The following DYTN variants were observed in gnomAD, a reference collection of about 807,000 sequenced individuals.
The protein encoded by DYTN is dystrotelin.
A neutral mutation model predicts 69.6 loss-of-function variants in DYTN; 75 were observed. That is an observed-to-expected ratio of 1.08 (90% CI 0.89 to 1.31). DYTN has a LOEUF of 1.31. Among genes scored for constraint, DYTN ranks in the 50% most tolerant of loss-of-function variants. The probability of loss-of-function intolerance (pLI) is 0.00; values close to 1 mark genes in which losing one functional copy is unlikely to be tolerated. For synonymous variants in DYTN, 252 were observed against 249.1 expected, an observed-to-expected ratio of 1.01 and a Z score of -0.11; for missense variants, 726 against 688.4, an observed-to-expected ratio of 1.05 and a Z score of -0.61.
At chr2:206,704,815 G>A (rs1273613670) in intron 5 of DYTN, 28 bp downstream of exon 5, 3 of 1,573,478 alleles carry the variant, frequency 1.9e-6, no homozygotes, top group African/African-American at 1.3e-5. Context: ...TGAAACAAAT[G>A]TACAGTTCTT....
At chr2:206,701,884 T>A (rs535464913) in intron 5 of DYTN, among the ~76,000 whole-genome samples, 22 of 152,304 alleles carry the variant, frequency 1.4e-4, no homozygotes, top group African/African-American at 5.1e-4. Context: ...TCTCAAAACA[T>A]CATGTCGTAC....
In DYTN at chr2:206,670,940, T is replaced by A. The variant is rs78066421; in HGVS notation, c.981-4911A>T. 3.5e-3 allele frequency among the ~76,000 whole-genome samples: 536 copies of A among 152,336 alleles called. 12 individuals are homozygous for A. The East Asian group carries it at 0.071, about 20-fold the overall frequency. On this transcript the variant is annotated intron_variant, in intron 9 of 11. Transcript: ENST00000452335. ...CTACCATACACCTTTAACTTTCACT[T>A]TCTTGTCTTTCCTTTGCTTGCTACC...
At chr2:206,669,865 T>C (rs958400404) in intron 9 of DYTN, among the ~76,000 whole-genome samples, 1 of 152,226 alleles carries the variant, frequency 6.6e-6, no homozygotes, top group African/African-American at 2.4e-5. Context: ...ATTTCTTCTG[T>C]ACATTTAGAT....
chr2:206,659,617 ATCT>A (rs1231498227), intron 11 of DYTN, among the ~76,000 whole-genome samples: 1 of 151,946 alleles, frequency 6.6e-6, no homozygotes, highest in Non-Finnish European at 1.5e-5. Context: ...CACTTTCCAC[ATCT>A]TCATCCATGT....
chr2:206,693,923 T>C (rs962207576), intron 8 of DYTN, among the ~76,000 whole-genome samples: 1 of 152,184 alleles, frequency 6.6e-6, no homozygotes, highest in Admixed American at 6.5e-5. Context: ...CCTAGGCCTG[T>C]GAACCTGAGG....
At chr2:206,698,244 C>T (rs932853689) in intron 7 of DYTN, among the ~76,000 whole-genome samples, 3 of 152,094 alleles carry the variant, frequency 2.0e-5, no homozygotes, top group Admixed American at 6.5e-5. Flanking sequence ...AGTTCAGTTC[C>T]TTGCCGAATT....
chr2:206,701,260 A>G (rs1699973668), intron 5 of DYTN: 1 of 152,206 alleles, frequency 6.6e-6, no homozygotes, highest in Admixed American at 6.5e-5. Context: ...TTTCTGAGGT[A>G]GGATGGTAAT....
intron 9 of DYTN, among the ~76,000 whole-genome samples, chr2:206,675,115 ATGTGTGTGTGTG>A (rs757679127): frequency 7.6e-6 from 1 of 131,532 alleles, no homozygotes; most frequent in East Asian, 2.1e-4. Flanking sequence ...ATATATATAT[ATGTGTGTGTGTG>A]TGTGTGTGTG....
chr2:206,684,810 T>TCAGTTTGAACA (rs11273196), intron 9 of DYTN, among the ~76,000 whole-genome samples: 43,477 of 151,950 alleles, frequency 0.29, 8,611 homozygotes, highest in African/African-American at 0.56. Flanking sequence ...TTTCTGCTAC[T>TCAGTTTGAACA]CATCATCAAA....
intron 7 of DYTN, among the ~76,000 whole-genome samples, chr2:206,699,038 C>T (rs1432838550): frequency 6.6e-6 from 1 of 152,194 alleles, no homozygotes; most frequent in Non-Finnish European, 1.5e-5. Flanking sequence ...TGAAATGACC[C>T]ATGTGAACTG....
intron 10 of DYTN, among the ~76,000 whole-genome samples, chr2:206,664,717 G>GAAAACTTGCATCCTACCACTATGAGT (rs1699551401): frequency 6.6e-6 from 1 of 152,148 alleles, no homozygotes; most frequent in Admixed American, 6.6e-5. Flanking sequence ...TAGAATTTTG[G>GAAAACTTGCATCCTACCACTATGAGT]AAAACTTGCA....
At chr2:206,655,436 G>C (rs1321537659) in intron 11 of DYTN, among the ~76,000 whole-genome samples, 1 of 151,922 alleles carries the variant, frequency 6.6e-6, no homozygotes, top group Non-Finnish European at 1.5e-5. Context: ...TTGAGATAGG[G>C]TCTTGCTCTG....
At chr2:206,666,736 T>TGC (rs1410019495) in intron 9 of DYTN, among the ~76,000 whole-genome samples, 49 of 112,344 alleles carry the variant, frequency 4.4e-4, no homozygotes, top group Non-Finnish European at 4.9e-4. Context: ...CTCATGGGTG[T>TGC]GCGTGTGTGT....
At chr2:206,652,583 A>AT (rs1699400148) in intron 11 of DYTN, among the ~76,000 whole-genome samples, 1 of 152,264 alleles carries the variant, frequency 6.6e-6, no homozygotes, top group Non-Finnish European at 1.5e-5. Context: ...ACACCAAAGT[A>AT]TTTTTGTGAT....
chr2:206,673,857 A>G (rs16838483), intron 9 of DYTN, among the ~76,000 whole-genome samples: 21,126 of 152,132 alleles, frequency 0.14, 2,440 homozygotes, highest in African/African-American at 0.31. Flanking sequence ...GGGACAACAG[A>G]TTAAAGAAAA....
At chr2:206,675,113 A>ATG (rs879629081) in intron 9 of DYTN, among the ~76,000 whole-genome samples, 2,178 of 122,558 alleles carry the variant, frequency 0.018, 35 homozygotes, top group Admixed American at 0.034. Context: ...ACATATATAT[A>ATG]TATGTGTGTG....
intron 5 of DYTN, among the ~76,000 whole-genome samples, chr2:206,701,789 C>T (rs1266882306): frequency 1.3e-5 from 2 of 152,104 alleles, no homozygotes; most frequent in African/African-American, 4.8e-5. Context: ...TCCTCAAACC[C>T]CCCAACACCA....
At chr2:206,659,543 C>T (rs1699486360) in intron 11 of DYTN, among the ~76,000 whole-genome samples, 1 of 145,010 alleles carries the variant, frequency 6.9e-6, no homozygotes, top group Non-Finnish European at 1.5e-5. Context: ...AAACTTCTTG[C>T]TATTATCTGA....
chr2:206,703,752 C>T (rs1293797730), intron 5 of DYTN, among the ~76,000 whole-genome samples: 2 of 152,112 alleles, frequency 1.3e-5, no homozygotes, highest in Admixed American at 6.5e-5. Context: ...GTTCAGAATC[C>T]TTGGTCCAGA....
Sources: allele counts gnomAD v4.1 joint callset (sites outside exome capture counted in the v4.1 genomes callset), GRCh38; gene constraint gnomAD v4.1.1; transcripts MANE v1.5; gene names NCBI Gene and HGNC (gene_info 2026-07-23, HGNC 2026-07-21).